Variants in FLACC1 observed in about 807,000 individuals in gnomAD.
FLACC1 encodes the protein flagellum associated containing coiled-coil domains 1.
FLACC1 carries 66 observed loss-of-function variants against 62.8 expected under a neutral mutation model. The observed-to-expected ratio is 1.05, with a 90% CI of 0.86 to 1.29. The LOEUF is 1.29. FLACC1 is among the 50% of genes most tolerant of loss of function. The pLI is 0.00. For missense variants in FLACC1, 452 were observed against 489.1 expected, an observed-to-expected ratio of 0.92 and a Z score of 0.71; for synonymous variants, 156 against 161.0, an observed-to-expected ratio of 0.97 and a Z score of 0.24.
At chr2:201,337,726 T>C (rs1475579356) in intron 7 of FLACC1, among the ~76,000 whole-genome samples, 2 of 152,180 alleles carry the variant, frequency 1.3e-5, no homozygotes, top group East Asian at 3.8e-4. Context: ...TCTCGCTATG[T>C]TGTGCAGGCT....
upstream of FLACC1, among the ~76,000 whole-genome samples, chr2:201,358,624 A>G (rs1232906316): frequency 6.6e-6 from 1 of 151,776 alleles, no homozygotes; most frequent in Non-Finnish European, 1.5e-5. Flanking sequence ...TCACCGTTTT[A>G]GCCGGGATGG....
chr2:201,325,866 A>G (rs375479560), intron 9 of FLACC1, among the ~76,000 whole-genome samples: 2 of 152,298 alleles, frequency 1.3e-5, no homozygotes, highest in East Asian at 3.9e-4. Context: ...AAAGAACACA[A>G]CAAATAAAAA....
intron 9 of FLACC1, among the ~76,000 whole-genome samples, chr2:201,324,581 G>C (rs1950467522): frequency 6.6e-6 from 1 of 152,150 alleles, no homozygotes; most frequent in South Asian, 2.1e-4. Context: ...ACATAGAACA[G>C]TCTCTAAGAT....
chr2:201,292,158 T>C (rs1949751053), intron 12 of FLACC1, among the ~76,000 whole-genome samples: 1 of 152,044 alleles, frequency 6.6e-6, no homozygotes, highest in African/African-American at 2.4e-5. Flanking sequence ...AACAATCAGA[T>C]TCAGGAAATA....
chr2:201,361,323 G>A (rs573902142), upstream of FLACC1, among the ~76,000 whole-genome samples: 14 of 152,228 alleles, frequency 9.2e-5, no homozygotes, highest in Non-Finnish European at 1.9e-4. Flanking sequence ...CTGCTTTGGA[G>A]TGCAGGAAAG....
chr2:201,291,053 ACCGCAGCTCAAG>A (rs1007419290), intron 12 of FLACC1, among the ~76,000 whole-genome samples: 3 of 152,236 alleles, frequency 2.0e-5, no homozygotes, highest in African/African-American at 7.2e-5. Context: ...GGTGGAGCCC[ACCGCAGCTCAAG>A]GAGGCCTGCC....
intron 7 of FLACC1, among the ~76,000 whole-genome samples, chr2:201,340,502 AAC>A (rs1288679212): frequency 1.3e-5 from 2 of 152,204 alleles, no homozygotes; most frequent in Non-Finnish European, 2.9e-5. Context: ...GCAATAACTC[AAC>A]AGTTTTACTC....
intron 11 of FLACC1, among the ~76,000 whole-genome samples, chr2:201,305,454 G>A (rs1950082782): frequency 6.6e-6 from 1 of 152,180 alleles, no homozygotes; most frequent in South Asian, 2.1e-4. Context: ...GAGAGGATGT[G>A]GAGAAATAGG....
intron 6 of FLACC1, 134 bp from the exon 7 acceptor site, chr2:201,342,565 C>T (rs1950832859): frequency 1.3e-6 from 1 of 778,440 alleles, no homozygotes; most frequent in Non-Finnish European, 2.2e-6. Flanking sequence ...CCTTCCCACC[C>T]CTCTTCCACT....
rs1202024040 is a variant in FLACC1, at chr2:201,330,534, GA to G, written c.623-13del. On this transcript the variant is annotated splice_polypyrimidine_tract_variant and intron_variant, in intron 8 of 14. Coordinates refer to ENST00000392257, the MANE Select transcript of FLACC1 (RefSeq NM_001127391.3). ...TTTTCCCATCTCCTCTGGATAAAAG[GA>G]AAACAACAGGATCATCATTAGTCTT... 2.5e-6 allele frequency: 4 copies of G among 1,612,482 alleles called. No individual in the cohort carries two copies. The highest frequency in any genetic ancestry group is 1.7e-4 in the Middle Eastern group (1 of 6,048).
At chr2:201,324,647 C>A (rs550306624) in intron 9 of FLACC1, among the ~76,000 whole-genome samples, 1 of 152,202 alleles carries the variant, frequency 6.6e-6, no homozygotes, top group Admixed American at 6.5e-5. Flanking sequence ...AATTGAAATC[C>A]TATGAAGTAT....
At position 201,357,172 on chromosome 2, in the gene FLACC1, G is replaced by A. The variant is rs968291357; in HGVS notation, c.-238C>T. 1 of 152,242 alleles carries A rather than the reference G, an allele frequency of 6.6e-6. No homozygotes were observed. Among genetic ancestry groups the A allele is most frequent in the Non-Finnish European group, 1.5e-5 (1 of 68,054 alleles). 9.4% of individuals were successfully genotyped at this position (152,242 alleles called of 1,614,324 possible). On this transcript the variant is annotated 5_prime_UTR_variant, in exon 1 of 15. Transcript: ENST00000392257. ...AAAATTCACAGTATATGTACTGCGG[G>A]AAGACAGACTTCTAGTGAATCCAAT...
intron 9 of FLACC1, among the ~76,000 whole-genome samples, chr2:201,318,850 A>G (rs1016926165): frequency 4.6e-5 from 7 of 152,202 alleles, no homozygotes; most frequent in African/African-American, 1.7e-4. Flanking sequence ...GGAATGGAAA[A>G]CCAAACATCG....
intron 9 of FLACC1, among the ~76,000 whole-genome samples, chr2:201,318,013 C>T (rs1950336132): frequency 1.3e-5 from 2 of 152,078 alleles, no homozygotes; most frequent in African/African-American, 2.4e-5. Context: ...TCTTATTCAA[C>T]AAATGGTGCT....
intron 8 of FLACC1, 80 bp from the exon 9 acceptor site, chr2:201,330,602 A>G (rs1358636716): frequency 1.3e-6 from 2 of 1,543,094 alleles, no homozygotes; most frequent in African/African-American, 2.7e-5. Flanking sequence ...GTTCTTCTGC[A>G]CACCTTCCCC....
intron 9 of FLACC1, among the ~76,000 whole-genome samples, chr2:201,327,854 T>TA (rs1950524758): frequency 2.6e-5 from 4 of 152,182 alleles, no homozygotes; most frequent in Admixed American, 2.6e-4. Flanking sequence ...AAGACACTTG[T>TA]ACACGTATGT....
intron 9 of FLACC1, among the ~76,000 whole-genome samples, chr2:201,323,407 T>G (rs1425816073): frequency 1.3e-5 from 2 of 152,174 alleles, no homozygotes; most frequent in Non-Finnish European, 2.9e-5. Flanking sequence ...AGCAGAAACC[T>G]TACAAGCCAG....
At position 201,299,231 on chromosome 2, in the gene FLACC1, AG is replaced by A; in HGVS notation, c.942+6del. Reference sequence around the variant, plus strand: ...CCAAGTCCACAGGAAAGGATGAAAAAGCTTACCTCTTTGGTTTTTCTCAGCT... The same window carrying A: ...CCAAGTCCACAGGAAAGGATGAAAAACTTACCTCTTTGGTTTTTCTCAGCT... On this transcript the variant is annotated splice_donor_region_variant and intron_variant, in intron 12 of 14. Coordinates refer to ENST00000392257, the MANE Select transcript of FLACC1 (RefSeq NM_001127391.3). 1 of 1,613,150 alleles carries A rather than the reference AG, an allele frequency of 6.2e-7. No individual in the cohort carries two copies. The highest frequency in any genetic ancestry group is 1.3e-5 in the African/African-American group (1 of 74,988).
intron 9 of FLACC1, among the ~76,000 whole-genome samples, chr2:201,323,928 T>C: frequency 6.6e-6 from 1 of 151,362 alleles, no homozygotes; most frequent in South Asian, 2.1e-4. Flanking sequence ...ATGAAGTCTA[T>C]AAAGCAATAA....
Sources: allele counts gnomAD v4.1 joint callset (sites outside exome capture counted in the v4.1 genomes callset), GRCh38; gene constraint gnomAD v4.1.1; transcripts MANE v1.5; gene names NCBI Gene and HGNC (gene_info 2026-07-23, HGNC 2026-07-21).